The following FGF12 variants were observed in gnomAD, a reference collection of about 807,000 sequenced individuals.
FGF12 encodes fibroblast growth factor 12, also known as fibroblast growth factor 12B.
Under a neutral mutation model 23.6 loss-of-function variants are expected in FGF12, and 14 were observed. The observed-to-expected ratio is 0.59, with a 90% confidence interval of 0.39 to 0.93. FGF12 has a LOEUF of 0.93. FGF12 is among the 40% of genes least tolerant of loss of function. The pLI, the probability that FGF12 is intolerant of heterozygous loss-of-function variation, is 0.00. For synonymous variants in FGF12, 62 were observed against 77.3 expected (o/e 0.80, Z 1.04); for missense variants, 175 against 217.8 (o/e 0.80, Z 1.24).
intron 4 of FGF12, among the ~76,000 whole-genome samples, chr3:192,244,631 G>T (rs1719792099): frequency 6.6e-6 from 1 of 152,150 alleles, no homozygotes; most frequent in Admixed American, 6.5e-5. Flanking sequence ...TCTTATGGTT[G>T]TGAGTTAAGT....
chr3:192,563,096 GA>G (rs1382422236), intron 2 of FGF12, among the ~76,000 whole-genome samples: 10 of 152,296 alleles, frequency 6.6e-5, no homozygotes, highest in Admixed American at 5.9e-4. Flanking sequence ...CATGAAAGAA[GA>G]TTAGACTTTT....
chr3:192,613,142 G>A (rs1714614258), intron 2 of FGF12, among the ~76,000 whole-genome samples: 2 of 151,658 alleles, frequency 1.3e-5, no homozygotes, highest in African/African-American at 4.8e-5. Flanking sequence ...AAAAAGTCTT[G>A]CTGACCAGTG....
intron 2 of FGF12, among the ~76,000 whole-genome samples, chr3:192,552,171 T>C (rs1037980692): frequency 6.6e-6 from 1 of 151,952 alleles, no homozygotes; most frequent in African/African-American, 2.4e-5. Flanking sequence ...GATTAGACAC[T>C]ACAATAAAGG....
At chr3:192,335,785 A>AT (rs1379952236) in intron 3 of FGF12, among the ~76,000 whole-genome samples, 2 of 152,040 alleles carry the variant, frequency 1.3e-5, no homozygotes, top group African/African-American at 2.4e-5. Context: ...ATATAAGATA[A>AT]TTTTTTCTAA....
intron 2 of FGF12, among the ~76,000 whole-genome samples, chr3:192,503,603 G>GTT (rs3074674): frequency 2.6e-4 from 26 of 99,118 alleles, no homozygotes; most frequent in Admixed American, 7.3e-4. Context: ...GTGTGTGTGT[G>GTT]TTTTTTTTTT....
chr3:192,381,150 A>C (rs888320553), intron 2 of FGF12, among the ~76,000 whole-genome samples: 3 of 152,172 alleles, frequency 2.0e-5, no homozygotes, highest in Non-Finnish European at 2.9e-5. Flanking sequence ...GCTAGTGGCT[A>C]CCATATTATA....
At chr3:192,662,445 A>T (rs1297115283) in intron 2 of FGF12, among the ~76,000 whole-genome samples, 13 of 152,220 alleles carry the variant, frequency 8.5e-5, no homozygotes, top group Admixed American at 6.5e-4. Flanking sequence ...TTCAACCTCT[A>T]AAATGCTCTT....
At chr3:192,244,805 A>T (rs546860249) in intron 4 of FGF12, 1 of 152,306 alleles carries the variant, frequency 6.6e-6, no homozygotes, top group South Asian at 2.1e-4. Context: ...TTTAAAATTC[A>T]TGTTGACAGA....
chr3:192,709,621 T>C (rs942751540), intron 2 of FGF12, among the ~76,000 whole-genome samples: 1 of 152,214 alleles, frequency 6.6e-6, no homozygotes, highest in Non-Finnish European at 1.5e-5. Flanking sequence ...AAAATCACTT[T>C]CAAATTCTCT....
chr3:192,641,842 C>T (rs1185546556), intron 2 of FGF12, among the ~76,000 whole-genome samples: 1 of 152,234 alleles, frequency 6.6e-6, no homozygotes, highest in African/African-American at 2.4e-5. Flanking sequence ...TGACTGTCTA[C>T]AGCAGCCTTC....
At chr3:192,284,160 AT>A (rs570563009) in intron 4 of FGF12, among the ~76,000 whole-genome samples, 108 of 152,058 alleles carry the variant, frequency 7.1e-4, no homozygotes, top group African/African-American at 2.2e-3. Context: ...TCTTGTCCCT[AT>A]TTTCTACTAG....
At chr3:192,422,471 G>A (rs1309850708) in intron 2 of FGF12, among the ~76,000 whole-genome samples, 1 of 152,052 alleles carries the variant, frequency 6.6e-6, no homozygotes, top group Non-Finnish European at 1.5e-5. Flanking sequence ...AAGAGCATTG[G>A]TTATCCTTCT....
At chr3:192,680,696 A>C (rs907758478) in intron 2 of FGF12, among the ~76,000 whole-genome samples, 2 of 152,236 alleles carry the variant, frequency 1.3e-5, no homozygotes, top group African/African-American at 4.8e-5. Context: ...TAACCATAGC[A>C]TCTACATTTA....
At chr3:192,458,686 A>C (rs1447808878) in intron 2 of FGF12, among the ~76,000 whole-genome samples, 1 of 152,018 alleles carries the variant, frequency 6.6e-6, no homozygotes, top group Non-Finnish European at 1.5e-5. Flanking sequence ...CTCAGATAAG[A>C]CTTTGGACTG....
At chr3:192,224,702 A>G (rs1274416768) in intron 4 of FGF12, among the ~76,000 whole-genome samples, 1 of 152,116 alleles carries the variant, frequency 6.6e-6, no homozygotes, top group Non-Finnish European at 1.5e-5. Flanking sequence ...GTCCTACCTC[A>G]GAAAATTAGT....
intron 4 of FGF12, among the ~76,000 whole-genome samples, chr3:192,303,868 C>CT (rs1435146060): frequency 1.3e-5 from 2 of 152,180 alleles, no homozygotes; most frequent in Non-Finnish European, 2.9e-5. Context: ...CCCTTTGAAA[C>CT]TGTCAAGCTT....
At chr3:192,652,989 C>T (rs765297655) in intron 2 of FGF12, among the ~76,000 whole-genome samples, 1 of 152,170 alleles carries the variant, frequency 6.6e-6, no homozygotes, top group East Asian at 1.9e-4. Context: ...TGAGTAGATG[C>T]CATCTGTGGC....
intron 4 of FGF12, among the ~76,000 whole-genome samples, chr3:192,171,734 G>A (rs12495448): frequency 0.044 from 6,629 of 152,204 alleles, 192 homozygotes; most frequent in Admixed American, 0.059. Flanking sequence ...AAGAATTTCA[G>A]TGTGAGACTC....
At chr3:192,609,405 A>G (rs1186740016) in intron 2 of FGF12, among the ~76,000 whole-genome samples, 2 of 152,068 alleles carry the variant, frequency 1.3e-5, no homozygotes, top group Non-Finnish European at 2.9e-5. Context: ...GCTGGGAAGC[A>G]CCCAAACCAG....
Sources: gnomAD v4.1 joint callset for allele counts (sites outside exome capture counted in the v4.1 genomes callset) on GRCh38, gnomAD v4.1.1 for gene constraint, MANE v1.5 for transcripts, NCBI Gene and HGNC (gene_info 2026-07-23, HGNC 2026-07-21) for gene names.